DHRSX: variants seen among roughly 807,000 people sequenced by gnomAD.
The protein encoded by DHRSX is polyprenol dehydrogenase.
A neutral mutation model predicts 34.0 loss-of-function variants in DHRSX; 31 were observed. The ratio of observed to expected loss-of-function variants is 0.91; its 90% confidence interval spans 0.69 to 1.23. The LOEUF is 1.23. Ranked by LOEUF, DHRSX falls within the 50% of genes most tolerant of loss-of-function variation. The pLI is 0.00. For missense variants in DHRSX, 414 were observed against 428.1 expected, an observed-to-expected ratio of 0.97 and a Z score of 0.29; for synonymous variants, 201 against 183.8, an observed-to-expected ratio of 1.09 and a Z score of -0.76.
At chrX:2,485,146 C>T (rs1398248454) in intron 1 of DHRSX, among the ~76,000 whole-genome samples, 8 of 152,094 alleles carry the variant, frequency 5.3e-5, no homozygotes, top group Non-Finnish European at 8.8e-5. Flanking sequence ...CACCACTGTG[C>T]GGAAGGAGTG....
intron 4 of DHRSX, among the ~76,000 whole-genome samples, chrX:2,282,522 C>G (rs2041720334): frequency 1.5e-5 from 2 of 131,412 alleles, no homozygotes; most frequent in African/African-American, 5.7e-5. Context: ...AGGGGAGAGA[C>G]AGGAAGAGAA....
intron 1 of DHRSX, among the ~76,000 whole-genome samples, chrX:2,450,756 C>T (rs2044205578): frequency 6.6e-6 from 1 of 151,456 alleles, no homozygotes; most frequent in Admixed American, 6.6e-5. Context: ...TTAACTATTA[C>T]TGTATGTTTT....
chrX:2,452,405 G>A (rs1219731599), intron 1 of DHRSX, among the ~76,000 whole-genome samples: 1 of 151,670 alleles, frequency 6.6e-6, no homozygotes, highest in Non-Finnish European at 1.5e-5. Flanking sequence ...GTAGCCAAGG[G>A]ACTGCCACCG....
chrX:2,384,950 A>AT (rs941479972), intron 3 of DHRSX, among the ~76,000 whole-genome samples: 41 of 148,960 alleles, frequency 2.8e-4, no homozygotes, highest in South Asian at 1.1e-3. Flanking sequence ...AAGAAAAAAA[A>AT]ATATATATAT....
chrX:2,238,586 C>CTTT (rs758589373), intron 6 of DHRSX, among the ~76,000 whole-genome samples: 26 of 142,392 alleles, frequency 1.8e-4, no homozygotes, highest in African/African-American at 5.4e-4. Context: ...TTTCTTCTTT[C>CTTT]TTTTTTTTTT....
chrX:2,478,463 C>T (rs2044715295), intron 1 of DHRSX, among the ~76,000 whole-genome samples: 3 of 151,990 alleles, frequency 2.0e-5, no homozygotes, highest in African/African-American at 7.3e-5. Context: ...CAAGGGATCA[C>T]ACTGAAGACG....
intron 5 of DHRSX, among the ~76,000 whole-genome samples, chrX:2,263,104 A>G (rs1354466526): frequency 6.6e-6 from 1 of 152,232 alleles, no homozygotes; most frequent in Non-Finnish European, 1.5e-5. Flanking sequence ...GGCACAGCCA[A>G]GCAGCCAGTT....
chrX:2,245,156 T>A (rs2016247609), intron 5 of DHRSX, among the ~76,000 whole-genome samples: 1 of 152,108 alleles, frequency 6.6e-6, no homozygotes, highest in Non-Finnish European at 1.5e-5. Context: ...CTGTTCAAAG[T>A]CACCCCTGTG....
chrX:2,243,262 C>A (rs1457514688), intron 5 of DHRSX, 32 bp from the exon 6 acceptor site: 1 of 1,598,196 alleles, frequency 6.3e-7, no homozygotes, highest in East Asian at 2.2e-5. Flanking sequence ...GTGTAAGAGG[C>A]TGACGGCGTT....
At chrX:2,459,382 TGTTA>T (rs2044364363) in intron 1 of DHRSX, among the ~76,000 whole-genome samples, 1 of 151,790 alleles carries the variant, frequency 6.6e-6, no homozygotes, top group African/African-American at 2.4e-5. Flanking sequence ...ATTGTTAATA[TGTTA>T]ATTAGGTCAA....
At chrX:2,475,459 C>A (rs1336858719) in intron 1 of DHRSX, among the ~76,000 whole-genome samples, 1 of 151,496 alleles carries the variant, frequency 6.6e-6, no homozygotes. Context: ...AAGGGACCGC[C>A]GCCCTGTGCA....
chrX:2,420,079 A>T (rs937968505), intron 2 of DHRSX, among the ~76,000 whole-genome samples: 11 of 152,198 alleles, frequency 7.2e-5, no homozygotes, highest in African/African-American at 1.2e-4. Context: ...GACAATTTCA[A>T]GAAATTGTCA....
chrX:2,288,686 G>C (rs2041833177), intron 4 of DHRSX, among the ~76,000 whole-genome samples: 2 of 152,228 alleles, frequency 1.3e-5, no homozygotes, highest in Admixed American at 6.5e-5. Flanking sequence ...CTGAGGCATT[G>C]AGCGAAGGTA....
chrX:2,495,050 T>C (rs1439162797), intron 1 of DHRSX, among the ~76,000 whole-genome samples: 11 of 151,298 alleles, frequency 7.3e-5, no homozygotes, highest in Non-Finnish European at 1.5e-4. Context: ...TCTATTGTCA[T>C]TATTATTATT....
chrX:2,414,361 T>C (rs2043668151), intron 2 of DHRSX, among the ~76,000 whole-genome samples: 1 of 151,998 alleles, frequency 6.6e-6, no homozygotes, highest in African/African-American at 2.4e-5. Flanking sequence ...CAAAATCTCA[T>C]CATGACCAAC....
chrX:2,484,993 T>C (rs955315407), intron 1 of DHRSX, among the ~76,000 whole-genome samples: 3 of 152,150 alleles, frequency 2.0e-5, no homozygotes, highest in African/African-American at 7.2e-5. Flanking sequence ...CCAAGCTGTT[T>C]TCCTCACCCT....
intron 5 of DHRSX, among the ~76,000 whole-genome samples, chrX:2,252,413 G>A (rs1245666453): frequency 1.3e-5 from 2 of 152,140 alleles, no homozygotes; most frequent in African/African-American, 2.4e-5. Flanking sequence ...GGGAAGAGAA[G>A]AGTCCAGGAA....
intron 1 of DHRSX, among the ~76,000 whole-genome samples, chrX:2,437,478 C>T (rs1452494959): frequency 2.0e-5 from 3 of 152,020 alleles, no homozygotes; most frequent in African/African-American, 7.2e-5. Context: ...ATGGTGTGCC[C>T]ATGTGGTCCC....
rs368728854 is a variant in DHRSX, at chrX:2,282,316, A to G, written c.388+9186T>C. Among the ~76,000 whole-genome samples, 27 of 116,566 alleles carry G rather than the reference A, an allele frequency of 2.3e-4. 1 individual carries two copies. The highest frequency in any genetic ancestry group is 1.1e-3 in the South Asian group (3 of 2,676). The allele number at this position is 116,566 out of a possible 152,430, so 76.5% of individuals were successfully genotyped here. On this transcript the variant is annotated intron_variant, in intron 4 of 6. Coordinates refer to ENST00000334651, the MANE Select transcript of DHRSX (RefSeq NM_145177.3). Reference sequence around the variant, plus strand: ...AGAGAGAGAGAGATGGAGAGGGAACAGGGAGAGAGAGGGAGGGCAAACGAG... The same window carrying G: ...AGAGAGAGAGAGATGGAGAGGGAACGGGGAGAGAGAGGGAGGGCAAACGAG...
Sources: gnomAD v4.1 joint callset for allele counts (sites outside exome capture counted in the v4.1 genomes callset) on GRCh38, gnomAD v4.1.1 for gene constraint, MANE v1.5 for transcripts, NCBI Gene and HGNC (gene_info 2026-07-23, HGNC 2026-07-21) for gene names.